The following C1QTNF6 variants were observed in gnomAD, a reference collection of about 807,000 sequenced individuals.
C1QTNF6 encodes the protein complement C1q tumor necrosis factor-related protein 6.
A neutral mutation model predicts 20.7 loss-of-function variants in C1QTNF6; 17 were observed. That is an observed-to-expected ratio of 0.82 (90% CI 0.56 to 1.23). The LOEUF (loss-of-function observed/expected upper bound fraction) is 1.23. Among genes scored for constraint, C1QTNF6 ranks in the 50% most tolerant of loss-of-function variants. The pLI is 0.00. For missense variants in C1QTNF6, 329 were observed against 389.7 expected (o/e 0.84, Z 1.31); for synonymous variants, 130 against 156.3 (o/e 0.83, Z 1.25).
At chr22:37,189,577 C>T (rs1045561756), upstream of C1QTNF6, among the ~76,000 whole-genome samples, 1 of 152,114 alleles carries the variant, frequency 6.6e-6, no homozygotes, top group African/African-American at 2.4e-5. Context: ...TGAATAGAGG[C>T]GATGATATTC....
In C1QTNF6 at chr22:37,184,495, C is replaced by A. The variant is rs1924100627; in HGVS notation, c.289+723G>T. 5.9e-6 allele frequency: 4 copies of A among 673,628 alleles called. No individual in the cohort carries two copies. In the Admixed American group the frequency reaches 6.2e-5, roughly 10 times the overall value. The allele number at this position is 673,628 out of a possible 1,614,324, so 41.7% of individuals were successfully genotyped here. ...GGACGGCCCTCACCTGGATGCCTTT[C>A]ACCTGGACGGGCCCTCACCTGGACA... On this transcript the variant is annotated intron_variant, in intron 2 of 2. Coordinates refer to ENST00000337843, the MANE Select transcript of C1QTNF6 (RefSeq NM_031910.4). The surrounding 1 kb of genome is among the most constrained non-coding windows in gnomAD (Gnocchi z 4.0).
At chr22:37,196,597 C>T (rs1925148163) in intron 1 of C1QTNF6, 1 of 152,188 alleles carries the variant, frequency 6.6e-6, no homozygotes, top group Non-Finnish European at 1.5e-5. Context: ...AGTGACTTGC[C>T]CAAGGTCACA....
At chr22:37,187,693 C>CT (rs397783182) in intron 1 of C1QTNF6, among the ~76,000 whole-genome samples, 1 of 51,010 alleles carries the variant, frequency 2.0e-5, no homozygotes, top group African/African-American at 6.3e-5. Flanking sequence ...TTGGCCCCAG[C>CT]GGATGGGAGT....
At chr22:37,193,557 G>A (rs1156816520) in intron 2 of C1QTNF6, among the ~76,000 whole-genome samples, 1 of 152,172 alleles carries the variant, frequency 6.6e-6, no homozygotes, top group Non-Finnish European at 1.5e-5. Context: ...TGTATAGCTT[G>A]GATATCCATT....
Position 37,185,344 on chromosome 22 carries a change from C to T in C1QTNF6, c.163G>A (p.Gly55Ser), listed in dbSNP as rs1434189212. 6.2e-6 allele frequency: 10 copies of T among 1,613,622 alleles called. No individual in the cohort carries two copies. The highest frequency in any genetic ancestry group is 3.3e-5 in the South Asian group (3 of 91,034). ...ELTFDRAVAS[G>S]CQRCCDSEDP... ...TCAGAGTCACAGCACCGTTGGCAGCCGCTGGCCACAGCTCTGTCAAAGGTG... is the reference window on the plus strand; with the variant it reads ...TCAGAGTCACAGCACCGTTGGCAGCTGCTGGCCACAGCTCTGTCAAAGGTG... Residue 55 changes from glycine to serine, a missense_variant, in exon 2 of 3, where the codon GGC becomes AGC. Physicochemically the swap from Gly to Ser is moderately conservative, Grantham distance 56 (BLOSUM62 0). Coordinates refer to ENST00000337843, the MANE Select transcript of C1QTNF6 (RefSeq NM_031910.4).
At position 37,182,083 on chromosome 22, in the gene C1QTNF6, C is replaced by T. The variant is rs529077375; in HGVS notation, c.*105G>A. 61 of 1,307,540 alleles carry T rather than the reference C, an allele frequency of 4.7e-5. No individual in the cohort carries two copies. Among genetic ancestry groups the T allele is most frequent in the South Asian group, 3.0e-4 (20 of 66,392 alleles). The allele number at this position is 1,307,540 out of a possible 1,614,324, so 81.0% of individuals were successfully genotyped here. On this transcript the variant is annotated 3_prime_UTR_variant, in exon 3 of 3. Coordinates refer to ENST00000337843, the MANE Select transcript of C1QTNF6 (RefSeq NM_031910.4). ...GGGTCTCCCCAGAATGCCAGGTCCC[C>T]GGGGACCTCCCTGGCCTTCCTGCTT...
At chr22:37,183,354 G>A (rs534666932) in intron 2 of C1QTNF6, among the ~76,000 whole-genome samples, 29 of 152,336 alleles carry the variant, frequency 1.9e-4, no homozygotes, top group South Asian at 4.1e-4. Context: ...AAAATGTCCT[G>A]TGGGAAAGCA....
upstream of C1QTNF6, chr22:37,198,282 A>G (rs1418804333): frequency 6.6e-6 from 1 of 152,142 alleles, no homozygotes; most frequent in East Asian, 1.9e-4. Context: ...TGACTCCTCT[A>G]ATCCTTCCAA....
chr22:37,185,314 G>C lies in C1QTNF6; in HGVS notation c.193C>G (p.Pro65Ala). 3 of 1,613,506 alleles carry C rather than the reference G, an allele frequency of 1.9e-6. No homozygotes were observed. Among genetic ancestry groups the C allele is most frequent in the Non-Finnish European group, 2.5e-6 (3 of 1,179,758 alleles). ...GAGGATACATGGGCAGGATCCAGGG[G>C]GTCCTCAGAGTCACAGCACCGTTGG... ...GCQRCCDSED[P>A]LDPAHVSSAS... The change falls in exon 2 of 3, where the codon CCC becomes GCC. Residue 65 changes from proline (P) to alanine (A), a missense_variant. Pro to Ala is a conservative substitution (Grantham distance 27). Transcript: ENST00000337843.
At chr22:37,182,759 G>A (rs1399722117) in intron 2 of C1QTNF6, 24 bp from the exon 3 acceptor site, 4 of 1,561,030 alleles carry the variant, frequency 2.6e-6, no homozygotes, top group Non-Finnish European at 3.5e-6. Context: ...AAGGGGACAA[G>A]TCAGGGTGGA....
chr22:37,182,077 G>A lies in C1QTNF6; in HGVS notation c.*111C>T. On this transcript the variant is annotated 3_prime_UTR_variant, in exon 3 of 3. Transcript: ENST00000337843. Reference sequence around the variant, plus strand: ...GAAGCAGGGTCTCCCCAGAATGCCAGGTCCCCGGGGACCTCCCTGGCCTTC... The same window carrying A: ...GAAGCAGGGTCTCCCCAGAATGCCAAGTCCCCGGGGACCTCCCTGGCCTTC... 8.1e-7 allele frequency: 1 copy of A among 1,240,308 alleles called. No individual in the cohort carries two copies. Among genetic ancestry groups the A allele is most frequent in the Non-Finnish European group, 1.1e-6 (1 of 914,558 alleles). 76.8% of individuals were successfully genotyped at this position (1,240,308 alleles called of 1,614,324 possible).
chr22:37,185,182 C>T, intron 2 of C1QTNF6, 36 bp downstream of exon 2: 1 of 1,516,876 alleles, frequency 6.6e-7, no homozygotes, highest in South Asian at 1.3e-5. Flanking sequence ...CCTGGCCCTC[C>T]CTGCCCACTA....
chr22:37,186,391 C>G (rs887777394), intron 1 of C1QTNF6, among the ~76,000 whole-genome samples: 2 of 152,186 alleles, frequency 1.3e-5, no homozygotes, highest in Non-Finnish European at 2.9e-5. Context: ...AGAAGCCCTG[C>G]AGGGAGGGTT....
rs3180430 is a variant in C1QTNF6 at position 37,180,166 on chromosome 22, G to C, written c.*2022C>G. 6.5e-6 allele frequency: 1 copy of C among 152,702 alleles called. No individual in the cohort carries two copies. The highest frequency in any genetic ancestry group is 1.5e-5 in the Non-Finnish European group (1 of 68,186). The allele number at this position is 152,702 out of a possible 1,614,324, so 9.5% of individuals were successfully genotyped here. On this transcript the variant is annotated 3_prime_UTR_variant, in exon 3 of 3. Coordinates refer to ENST00000337843, the MANE Select transcript of C1QTNF6 (RefSeq NM_031910.4). The stretch of plus-strand genomic sequence containing the variant: ...CGAGCAGAAAGAACCAGTCTGAATC[G>C]CCAAGAGGAGACAGCATTCTTTAAT...
At chr22:37,191,597 C>G (rs993959571), upstream of C1QTNF6, 2 of 152,034 alleles carry the variant, frequency 1.3e-5, no homozygotes, top group African/African-American at 2.4e-5. Context: ...AATAGCATCC[C>G]AGGTCACCAT....
rs755126308 is a variant in C1QTNF6 at position 37,184,452 on chromosome 22, G to C, written c.289+766C>G. 12 of 716,500 alleles carry C rather than the reference G, an allele frequency of 1.7e-5. No homozygotes were observed. Among genetic ancestry groups the C allele is most frequent in the Non-Finnish European group, 2.6e-6 (1 of 384,920 alleles). 44.4% of individuals were successfully genotyped at this position (716,500 alleles called of 1,614,324 possible). ...CCTTCCACGTCCTATTGAGAGAGCG[G>C]GTAGCCAGCCCGCACCTGGACGGCC... On this transcript the variant is annotated intron_variant, in intron 2 of 2. Coordinates refer to ENST00000337843, the MANE Select transcript of C1QTNF6 (RefSeq NM_031910.4). This position sits in a 1 kb window ranked among gnomAD's most constrained non-coding sequence, Gnocchi z 4.0.
chr22:37,189,330 T>C (rs1924657937), upstream of C1QTNF6, among the ~76,000 whole-genome samples: 1 of 152,218 alleles, frequency 6.6e-6, no homozygotes, highest in African/African-American at 2.4e-5. Flanking sequence ...CTTGATGACC[T>C]GTATCTTGTG....
Position 37,180,568 on chromosome 22 carries a change from T to C in C1QTNF6, c.*1620A>G, listed in dbSNP as rs1361134471. 6.6e-6 allele frequency: 1 copy of C among 152,480 alleles called. No individual in the cohort carries two copies. 9.4% of individuals were successfully genotyped at this position (152,480 alleles called of 1,614,324 possible). A position where few individuals can be genotyped will look rare whatever the true frequency, so the allele number is the denominator to read the frequency against. On this transcript the variant is annotated 3_prime_UTR_variant, in exon 3 of 3. Transcript: ENST00000337843. The stretch of plus-strand genomic sequence containing the variant: ...GCTTCCGTGGCCCTTCTCCTGCAGG[T>C]GTTTGTAAAGGCAGCACCAGGCCGG...
chr22:37,198,752 C>T (rs946720248), upstream of C1QTNF6, among the ~76,000 whole-genome samples: 24 of 152,074 alleles, frequency 1.6e-4, no homozygotes, highest in Middle Eastern at 3.4e-3. Flanking sequence ...CAGGCCAGGG[C>T]GCCCATGCAC....
Sources: gnomAD v4.1 joint callset for allele counts (sites outside exome capture counted in the v4.1 genomes callset) on GRCh38, gnomAD v4.1.1 for gene constraint, Gnocchi (gnomAD v3.1) non-coding constraint, MANE v1.5 for transcripts, NCBI Gene and HGNC (gene_info 2026-07-23, HGNC 2026-07-21) for gene names.